Variants in STAMBP observed in about 807,000 individuals in gnomAD.
STAMBP encodes STAM-binding protein.
In STAMBP, 31 loss-of-function variants were observed where a neutral mutation model predicts 50.7. That is an observed-to-expected ratio of 0.61 (90% CI 0.46 to 0.83). STAMBP has a LOEUF of 0.83. Among genes scored for constraint, STAMBP ranks in the 40% least tolerant of loss-of-function variants. The probability of loss-of-function intolerance (pLI) is 0.00; values close to 1 mark genes in which losing one functional copy is unlikely to be tolerated. For synonymous variants in STAMBP, 211 were observed against 192.4 expected (o/e 1.10, Z -0.80); for missense variants, 472 against 518.9 (o/e 0.91, Z 0.88).
chr2:73,868,261 CTA>C (rs977739472), downstream of STAMBP, among the ~76,000 whole-genome samples: 5 of 151,784 alleles, frequency 3.3e-5, no homozygotes, highest in Non-Finnish European at 7.4e-5. Context: ...AAATAGAACA[CTA>C]AAAAAATCAT....
At position 73,850,871 on chromosome 2, in the gene STAMBP, A is replaced by G. The variant is rs1367106146; in HGVS notation, c.1005+358A>G. Among the ~76,000 whole-genome samples the G allele has an allele frequency of 6.6e-6, 1 of 152,226 alleles. No homozygotes were observed. The highest frequency in any genetic ancestry group is 2.4e-5 in the African/African-American group (1 of 41,460). On this transcript the variant is annotated intron_variant, in intron 7 of 9. Transcript: ENST00000394070. The surrounding 1 kb of genome is among the most constrained non-coding windows in gnomAD (Gnocchi z 4.3). The stretch of plus-strand genomic sequence containing the variant: ...TACAGATGATGTTCCTTAAAGGTAT[A>G]TAATTCAAAATATTTTAAATGAGCC...
Position 73,866,977 on chromosome 2 carries a change from A to T in STAMBP, c.*4718A>T, listed in dbSNP as rs141184376. Reference sequence around the variant, plus strand: ...TTAAGCACCTCTTCCCCATCACTCTATCTCATCACTGTTACTGTCTGTGTA... The same window carrying T: ...TTAAGCACCTCTTCCCCATCACTCTTTCTCATCACTGTTACTGTCTGTGTA... On this transcript the variant is annotated 3_prime_UTR_variant, in exon 10 of 10. Coordinates refer to ENST00000394070, the MANE Select transcript of STAMBP (RefSeq NM_213622.4). The T allele has an allele frequency of 6.6e-6, 1 of 152,214 alleles. No individual in the cohort carries two copies. The highest frequency in any genetic ancestry group is 1.5e-5 in the Non-Finnish European group (1 of 68,082). 9.4% of individuals were successfully genotyped at this position (152,214 alleles called of 1,614,324 possible).
rs1162554010 is a variant in STAMBP, at chr2:73,850,604, A to G, written c.1005+91A>G. ...TGTTTCTTTGAACAAAGTCAATTAT[A>G]TCCAGATTATTTATTGTTTTTCTCT... On this transcript the variant is annotated intron_variant, in intron 7 of 9. Transcript: ENST00000394070. The surrounding 1 kb of genome is among the most constrained non-coding windows in gnomAD (Gnocchi z 4.3). 1 of 1,354,884 alleles carries G rather than the reference A, an allele frequency of 7.4e-7. No homozygotes were observed. The highest frequency in any genetic ancestry group is 2.6e-5 in the East Asian group (1 of 38,968). The allele number at this position is 1,354,884 out of a possible 1,614,324, so 83.9% of individuals were successfully genotyped here.
At chr2:73,858,635 T>C (rs1677890404) in intron 7 of STAMBP, among the ~76,000 whole-genome samples, 1 of 152,134 alleles carries the variant, frequency 6.6e-6, no homozygotes, top group African/African-American at 2.4e-5. Flanking sequence ...TGATGAACAG[T>C]AGTCACCATG....
Position 73,847,408 on chromosome 2 carries a change from G to T in STAMBP, c.397G>T (p.Ala133Ser), listed in dbSNP as rs202175475. The T allele has an allele frequency of 1.2e-6, 2 of 1,608,752 alleles. No individual in the cohort carries two copies. Among genetic ancestry groups the T allele is most frequent in the South Asian group, 2.2e-5 (2 of 90,670 alleles). ...GTAGAAGAAGGAAGCAGAGGAATTG[G>T]CCCGGAACATGGCCATCCAGCAAGA... Reference protein sequence around the residue: ...EEKKKEAEELARNMAIQQELE... With the variant: ...EEKKKEAEELSRNMAIQQELE... The change falls in exon 5 of 10, where the codon GCC becomes TCC. Residue 133 changes from alanine (A) to serine (S), a missense_variant. By Grantham distance (99) the Ala-to-Ser change is moderately conservative. Coordinates refer to ENST00000394070, the MANE Select transcript of STAMBP (RefSeq NM_213622.4).
At chr2:73,847,802 G>T (rs1200139066) in intron 5 of STAMBP, 49 bp downstream of exon 5, 2 of 1,570,130 alleles carry the variant, frequency 1.3e-6, no homozygotes, top group Admixed American at 1.8e-5. Context: ...CAGCCAAACA[G>T]TATCATTCTG....
rs1378771092 is a variant in STAMBP at position 73,864,079 on chromosome 2, C to CT, written c.*1821dup. On this transcript the variant is annotated 3_prime_UTR_variant, in exon 10 of 10. Coordinates refer to ENST00000394070, the MANE Select transcript of STAMBP (RefSeq NM_213622.4). ...TTTAAAAAATACTGATGCCTGTGTT[C>CT]TACCCCCCACCAATTAAAGCTGAAT... The CT allele has an allele frequency of 1.3e-5, 2 of 152,178 alleles. No individual in the cohort carries two copies. Among genetic ancestry groups the CT allele is most frequent in the African/African-American group, 4.8e-5 (2 of 41,438 alleles). The allele number at this position is 152,178 out of a possible 1,614,324, so 9.4% of individuals were successfully genotyped here.
chr2:73,834,231 AAAAAAATATATATATATATATATATATAT>A (rs1159225260), intron 2 of STAMBP, among the ~76,000 whole-genome samples: 166 of 16,188 alleles, frequency 0.01, 8 homozygotes, highest in African/African-American at 0.038. Context: ...AAAAAAAAAA[AAAAAAATATATATATATATATATATATAT>A]ATATATATAT....
intron 2 of STAMBP, among the ~76,000 whole-genome samples, chr2:73,834,141 G>A (rs966709368): frequency 1.4e-5 from 2 of 145,162 alleles, no homozygotes; most frequent in African/African-American, 5.1e-5. Context: ...AACTCAGGAA[G>A]TGGAGGTTGC....
At position 73,866,409 on chromosome 2, in the gene STAMBP, T is replaced by G. The variant is rs1678898458; in HGVS notation, c.*4150T>G. On this transcript the variant is annotated 3_prime_UTR_variant, in exon 10 of 10. Coordinates refer to ENST00000394070, the MANE Select transcript of STAMBP (RefSeq NM_213622.4). ...TGCAGCGTTTTCATATTGTCTTTTA[T>G]GTAAGTCATGTTTCTGAACTATCGT... is the stretch of plus-strand genomic sequence containing the variant. 6.6e-6 allele frequency: 1 copy of G among 152,270 alleles called. No homozygotes were observed. Among genetic ancestry groups the G allele is most frequent in the South Asian group, 2.1e-4 (1 of 4,836 alleles). The allele number at this position is 152,270 out of a possible 1,614,324, so 9.4% of individuals were successfully genotyped here. A position where few individuals can be genotyped will look rare whatever the true frequency, so the allele number is the denominator to read the frequency against.
chr2:73,860,220 G>A (rs1447754164), intron 9 of STAMBP, 69 bp downstream of exon 9: 15 of 1,320,618 alleles, frequency 1.1e-5, no homozygotes, highest in Non-Finnish European at 1.5e-5. Context: ...CTGATGAAAT[G>A]CATCATCCTT....
chr2:73,859,252 A>C lies in STAMBP; in HGVS notation c.1006-2A>C. On this transcript the variant is annotated splice_acceptor_variant, in intron 7 of 9. Coordinates refer to ENST00000394070, the MANE Select transcript of STAMBP (RefSeq NM_213622.4). LOFTEE classifies it high-confidence loss of function. ...GTCCTCTGACTCTTTTTCTCTCCTC[A>C]GACTCACCCCACACAGACCGCGTTT... 6.2e-7 allele frequency: 1 copy of C among 1,613,522 alleles called. No individual in the cohort carries two copies. The highest frequency in any genetic ancestry group is 8.5e-7 in the Non-Finnish European group (1 of 1,179,466).
intron 1 of STAMBP, among the ~76,000 whole-genome samples, chr2:73,830,622 G>T (rs926692830): frequency 1.3e-5 from 2 of 152,234 alleles, no homozygotes; most frequent in African/African-American, 4.8e-5. Flanking sequence ...TATGGTACAG[G>T]GGTTGTATGT....
intron 4 of STAMBP, among the ~76,000 whole-genome samples, chr2:73,846,834 C>T (rs1676130513): frequency 6.6e-6 from 1 of 151,994 alleles, no homozygotes; most frequent in Non-Finnish European, 1.5e-5. Flanking sequence ...GGAATCCCAG[C>T]GCTTCGGGAG....
At chr2:73,837,331 A>T (rs1674828267) in intron 2 of STAMBP, among the ~76,000 whole-genome samples, 1 of 152,210 alleles carries the variant, frequency 6.6e-6, no homozygotes, top group South Asian at 2.1e-4. Context: ...CACGCCTGTA[A>T]TCCCAGCACT....
rs779901449 is a variant in STAMBP, at chr2:73,860,112, A to G, written c.1179A>G (p.Lys393=). The G allele has an allele frequency of 6.2e-7, 1 of 1,614,048 alleles. No individual in the cohort carries two copies. The highest frequency in any genetic ancestry group is 1.1e-5 in the South Asian group (1 of 91,050). The change falls in exon 9 of 10, where the codon AAA becomes AAG. Residue 393 remains lysine (K), a synonymous_variant. Coordinates refer to ENST00000394070, the MANE Select transcript of STAMBP (RefSeq NM_213622.4). ...AGGAGATTTCTTCCTGTCGCCAGAA[A>G]GGATTTCATCCACACAGCAAGGATC... ...GLEEISSCRQ[K]GFHPHSKDPP...
At chr2:73,872,515 T>A (rs182026030) in intron 10 of STAMBP, among the ~76,000 whole-genome samples, 532 of 151,284 alleles carry the variant, frequency 3.5e-3, no homozygotes, top group Non-Finnish European at 5.9e-3. Flanking sequence ...AAGAAGTAGA[T>A]GTTACGCTCT....
At chr2:73,831,379 C>T (rs1352782102) in intron 2 of STAMBP, among the ~76,000 whole-genome samples, 1 of 152,196 alleles carries the variant, frequency 6.6e-6, no homozygotes, top group African/African-American at 2.4e-5. Context: ...TCTACTAAAG[C>T]AGCCAATCAT....
At chr2:73,846,025 A>C (rs1176173953) in intron 4 of STAMBP, among the ~76,000 whole-genome samples, 3 of 152,210 alleles carry the variant, frequency 2.0e-5, no homozygotes. Context: ...CTGTGAATAC[A>C]TACTGCAGCC....
Sources: allele counts gnomAD v4.1 joint callset (sites outside exome capture counted in the v4.1 genomes callset), GRCh38; gene constraint gnomAD v4.1.1; non-coding constraint Gnocchi (gnomAD v3.1); transcripts MANE v1.5; gene names NCBI Gene and HGNC (gene_info 2026-07-23, HGNC 2026-07-21).